Variants in LRP1B observed in about 807,000 individuals in gnomAD.
The protein encoded by LRP1B is LDL receptor related protein 1B, also known as low-density lipoprotein receptor-related protein 1B.
LRP1B carries 217 observed loss-of-function variants against 556.6 expected under a neutral mutation model. That is an observed-to-expected ratio of 0.39 (90% CI 0.35 to 0.44). The LOEUF (loss-of-function observed/expected upper bound fraction) is 0.44. Ranked by LOEUF, LRP1B falls within the 20% of genes least tolerant of loss-of-function variation. The pLI is 1.00. For missense variants in LRP1B, 5,053 were observed against 5,620.8 expected (o/e 0.90, Z 3.23); for synonymous variants, 2,047 against 1,865.8 (o/e 1.10, Z -2.50).
At chr2:141,816,871 C>T (rs1272445369) in intron 1 of LRP1B, among the ~76,000 whole-genome samples, 1 of 151,924 alleles carries the variant, frequency 6.6e-6, no homozygotes, top group Non-Finnish European at 1.5e-5. Flanking sequence ...AAGCAAGTTT[C>T]AACCTTTAAA....
intron 3 of LRP1B, among the ~76,000 whole-genome samples, chr2:141,392,883 C>T (rs975393208): frequency 3.3e-5 from 5 of 152,170 alleles, no homozygotes; most frequent in Admixed American, 1.3e-4. Flanking sequence ...AAATCCCAAA[C>T]GTTCTCCACA....
chr2:140,975,991 C>G (rs961741892), intron 18 of LRP1B, among the ~76,000 whole-genome samples: 1 of 151,930 alleles, frequency 6.6e-6, no homozygotes, highest in African/African-American at 2.4e-5. Flanking sequence ...CATCATGGCT[C>G]ACTGCAGCCT....
intron 1 of LRP1B, among the ~76,000 whole-genome samples, chr2:141,957,252 G>A (rs1000960582): frequency 2.6e-5 from 4 of 151,936 alleles, no homozygotes; most frequent in African/African-American, 9.7e-5. Flanking sequence ...GTGAACCACA[G>A]TCACAAGGCA....
At chr2:141,200,334 T>C (rs1681954234) in intron 6 of LRP1B, among the ~76,000 whole-genome samples, 1 of 151,950 alleles carries the variant, frequency 6.6e-6, no homozygotes, top group Non-Finnish European at 1.5e-5. Context: ...AGCTGAATGA[T>C]GAGAACACAT....
rs376692901 is a variant in LRP1B, at chr2:141,269,933, C to A, written c.344-15292G>T. ...GAATGATATGACAACAGCACATAGA[C>A]AACAAAAGAAAAAAATACATTTAAA... On this transcript the variant is annotated intron_variant, in intron 3 of 90. Coordinates refer to ENST00000389484, the MANE Select transcript of LRP1B (RefSeq NM_018557.3). Among the ~76,000 whole-genome samples, 54 of 151,730 alleles carry A rather than the reference C, an allele frequency of 3.6e-4. No individual in the cohort carries two copies. The East Asian group carries it at 7.4e-3, about 21-fold the overall frequency.
chr2:141,613,061 G>A (rs1688165364), intron 2 of LRP1B, among the ~76,000 whole-genome samples: 1 of 151,966 alleles, frequency 6.6e-6, no homozygotes. Context: ...CACCTGCTCA[G>A]CCTCCCAAAG....
intron 20 of LRP1B, among the ~76,000 whole-genome samples, chr2:140,941,143 G>A (rs926417741): frequency 2.6e-5 from 4 of 152,118 alleles, no homozygotes; most frequent in Non-Finnish European, 5.9e-5. Flanking sequence ...AAAAAAGCGG[G>A]TATAAATTAA....
At chr2:140,554,927 C>T (rs146047210) in intron 43 of LRP1B, among the ~76,000 whole-genome samples, 8 of 147,616 alleles carry the variant, frequency 5.4e-5, no homozygotes, top group African/African-American at 1.2e-4. Flanking sequence ...ACTTTATTTG[C>T]GTATGTACAC....
At chr2:141,404,569 T>C (rs1016902498) in intron 3 of LRP1B, among the ~76,000 whole-genome samples, 11 of 152,288 alleles carry the variant, frequency 7.2e-5, no homozygotes, top group African/African-American at 2.6e-4. Flanking sequence ...AGTGTAGAAA[T>C]GTAATAATAA....
chr2:140,726,584 T>C (rs1344564674), intron 35 of LRP1B, among the ~76,000 whole-genome samples: 3 of 152,200 alleles, frequency 2.0e-5, no homozygotes, highest in Non-Finnish European at 4.4e-5. Flanking sequence ...AAGGTGACTT[T>C]TGAAAGGTCA....
chr2:141,062,324 G>T (rs371067117), intron 7 of LRP1B, 51 bp from the exon 8 acceptor site: 1 of 1,204,482 alleles, frequency 8.3e-7, no homozygotes, highest in Non-Finnish European at 1.2e-6. Flanking sequence ...AGGGAAGCAC[G>T]TTTGATGGAG....
chr2:141,535,116 T>G (rs1171718678), intron 2 of LRP1B, among the ~76,000 whole-genome samples: 8 of 152,178 alleles, frequency 5.3e-5, no homozygotes, highest in Non-Finnish European at 1.0e-4. Flanking sequence ...CTAACAATTA[T>G]CTGACTGCTC....
intron 59 of LRP1B, among the ~76,000 whole-genome samples, chr2:140,476,668 A>C (rs1389476636): frequency 1.3e-5 from 2 of 152,038 alleles, no homozygotes; most frequent in Non-Finnish European, 2.9e-5. Flanking sequence ...TAAAGATAAT[A>C]CAAAAGTTAT....
chr2:140,595,649 C>T (rs1236845698), intron 43 of LRP1B, among the ~76,000 whole-genome samples: 2 of 152,034 alleles, frequency 1.3e-5, no homozygotes, highest in African/African-American at 4.8e-5. Context: ...TTTTAGCTGT[C>T]ATTTGTTTTT....
intron 41 of LRP1B, among the ~76,000 whole-genome samples, chr2:140,626,700 TTAAA>T (rs1559015195): frequency 4.7e-5 from 3 of 63,970 alleles, no homozygotes; most frequent in African/African-American, 6.2e-5. Flanking sequence ...AAGCTTCCAT[TTAAA>T]AAAAAAAAAA....
intron 2 of LRP1B, among the ~76,000 whole-genome samples, chr2:141,679,724 T>C (rs1203268067): frequency 6.6e-6 from 1 of 152,126 alleles, no homozygotes; most frequent in Non-Finnish European, 1.5e-5. Context: ...TAAATTTTGA[T>C]ATATTCATGT....
intron 72 of LRP1B, among the ~76,000 whole-genome samples, chr2:140,360,290 T>TA (rs77898971): frequency 1.3e-5 from 2 of 151,644 alleles, no homozygotes; most frequent in South Asian, 2.1e-4. Flanking sequence ...TTAAATATGT[T>TA]ACACTCCATC....
At chr2:140,551,674 AAAAGAGTTTCAGAG>A (rs1199320545) in intron 43 of LRP1B, among the ~76,000 whole-genome samples, 1 of 152,050 alleles carries the variant, frequency 6.6e-6, no homozygotes, top group Non-Finnish European at 1.5e-5. Context: ...GATAAGAACC[AAAAGAGTTTCAGAG>A]AGACCAGTCA....
intron 1 of LRP1B, among the ~76,000 whole-genome samples, chr2:142,048,090 T>G (rs780446861): frequency 1.3e-5 from 2 of 152,100 alleles, no homozygotes; most frequent in Non-Finnish European, 2.9e-5. Flanking sequence ...CCATTTTTTC[T>G]GTTGTTGCTT....
Sources: allele counts gnomAD v4.1 joint callset (sites outside exome capture counted in the v4.1 genomes callset), GRCh38; gene constraint gnomAD v4.1.1; transcripts MANE v1.5; gene names NCBI Gene and HGNC (gene_info 2026-07-23, HGNC 2026-07-21).